Variants in GSDMA observed in about 807,000 individuals in gnomAD.
GSDMA encodes the protein gasdermin-A.
Under a neutral mutation model 54.3 loss-of-function variants are expected in GSDMA, and 55 were observed. That is an observed-to-expected ratio of 1.01 (90% confidence interval 0.82 to 1.27). The LOEUF (loss-of-function observed/expected upper bound fraction) is 1.27, where lower values mean the gene tolerates loss of function less well. Ranked by LOEUF, GSDMA falls within the 50% of genes most tolerant of loss-of-function variation. GSDMA has a pLI of 0.00. For synonymous variants in GSDMA, 211 were observed against 224.7 expected, an observed-to-expected ratio of 0.94 and a Z score of 0.54; for missense variants, 542 against 542.6, an observed-to-expected ratio of 1.00 and a Z score of 0.01.
rs1979656497 is a variant in GSDMA at position 39,966,271 on chromosome 17, A to T, written c.226A>T (p.Thr76Ser). The change falls in exon 3 of 12, where the codon ACT becomes TCT. Residue 76 changes from threonine (T) to serine (S), a missense_variant. Transcript: ENST00000301659. ...PGSSPSDPTD[T>S]GNFGFKNMLD... ...TTTCCCTCCTGCAGACCCAACAGAC[A>T]CTGGGAATTTTGGCTTTAAGAATAT... The T allele has an allele frequency of 6.2e-7, 1 of 1,613,884 alleles. No individual in the cohort carries two copies. The highest frequency in any genetic ancestry group is 8.5e-7 in the Non-Finnish European group (1 of 1,179,874).
Position 39,966,284 on chromosome 17 carries a change from G to A in GSDMA, c.239G>A (p.Gly80Asp). The part of the protein sequence containing the change: ...PSDPTDTGNF[G>D]FKNMLDTRVE... Reference sequence around the variant, plus strand: ...GACCCAACAGACACTGGGAATTTTGGCTTTAAGAATATGCTGGACACCCGA... The same window carrying A: ...GACCCAACAGACACTGGGAATTTTGACTTTAAGAATATGCTGGACACCCGA... The change falls in exon 3 of 12, where the codon GGC (glycine) becomes GAC (aspartate). Residue 80 changes from glycine (G) to aspartate (D), a missense_variant. Physicochemically the swap from Gly to Asp is moderately conservative, Grantham distance 94. Transcript: ENST00000301659. The A allele has an allele frequency of 6.2e-7, 1 of 1,613,898 alleles. No homozygotes were observed. The highest frequency in any genetic ancestry group is 8.5e-7 in the Non-Finnish European group (1 of 1,179,880).
Position 39,975,983 on chromosome 17 carries a change from G to A in GSDMA, c.1081G>A (p.Val361Met), listed in dbSNP as rs368393158. 1.3e-5 allele frequency: 20 copies of A among 1,595,606 alleles called. No individual in the cohort carries two copies. Among genetic ancestry groups the A allele is most frequent in the South Asian group, 6.8e-5 (6 of 87,700 alleles). Residue 361 changes from valine (V) to methionine (M), a missense_variant, in exon 11 of 12, where the codon GTG (valine) becomes ATG (methionine). By Grantham distance (21) the Val-to-Met change is conservative. Transcript: ENST00000301659. ...ATCCATGGAGAAAAAGATCCTACCC[G>A]TGCAGCTAAAGCTGGTGAGGGAAAA... ...VKSMEKKILPVQLKLVESTME... is the reference protein window; with the variant it reads ...VKSMEKKILPMQLKLVESTME...
chr17:39,976,178 C>T (rs1980191664), intron 11 of GSDMA, among the ~76,000 whole-genome samples, 181 bp downstream of exon 11: 1 of 152,078 alleles, frequency 6.6e-6, no homozygotes, highest in Non-Finnish European at 1.5e-5. Flanking sequence ...AGGTAGAAGA[C>T]TGAATTTCTG....
chr17:39,967,606 G>A (rs1233169078), intron 3 of GSDMA, among the ~76,000 whole-genome samples: 1 of 152,208 alleles, frequency 6.6e-6, no homozygotes, highest in Non-Finnish European at 1.5e-5. Context: ...CCAGCCAGAT[G>A]GAGGAAGTGT....
chr17:39,972,026 C>A, intron 5 of GSDMA, 103 bp from the exon 6 acceptor site: 2 of 704,718 alleles, frequency 2.8e-6, no homozygotes, highest in South Asian at 1.8e-5. Context: ...ATTTGGGGTG[C>A]AAGGTCCTAG....
chr17:39,972,111 C>A lies in GSDMA; in HGVS notation c.656-18C>A. ...GCTGCTAAGTGTCCTCCCACCCTCC[C>A]TCCCTTGCCCTTCACAGATATTCCA... On this transcript the variant is annotated intron_variant, in intron 5 of 11. Coordinates refer to ENST00000301659, the MANE Select transcript of GSDMA (RefSeq NM_178171.5). 1.0e-5 allele frequency: 13 copies of A among 1,278,804 alleles called. No homozygotes were observed. The highest frequency in any genetic ancestry group is 4.7e-5 in the East Asian group (2 of 42,852). The allele number at this position is 1,278,804 out of a possible 1,614,324, so 79.2% of individuals were successfully genotyped here. A position where few individuals can be genotyped will look rare whatever the true frequency, so the allele number is the denominator to read the frequency against.
At chr17:39,974,758 A>C (rs780788069) in intron 9 of GSDMA, 142 bp from the exon 10 acceptor site, 3 of 655,488 alleles carry the variant, frequency 4.6e-6, no homozygotes, top group East Asian at 2.7e-5. Context: ...CCAGGAGTCC[A>C]GTACTCTTCA....
chr17:39,968,674 C>A (rs1979791328), intron 3 of GSDMA, among the ~76,000 whole-genome samples: 1 of 152,040 alleles, frequency 6.6e-6, no homozygotes, highest in Non-Finnish European at 1.5e-5. Context: ...ATCCCATGAG[C>A]AACGAAAACT....
Position 39,974,367 on chromosome 17 carries a change from G to C in GSDMA, c.846G>C (p.Leu282=), listed in dbSNP as rs748358087. 1.4e-5 allele frequency: 23 copies of C among 1,601,450 alleles called. No homozygotes were observed. Among genetic ancestry groups the C allele is most frequent in the Non-Finnish European group, 2.0e-5 (23 of 1,174,068 alleles). ...EKLSRVGQSS[L]LSSLSKLLGK... The stretch of plus-strand genomic sequence containing the variant: ...TGAGCCGAGTAGGGCAAAGCTCCCT[G>C]CTCAGCTCCCTCAGCAAACTTCTAG... The change falls in exon 9 of 12, where the codon CTG becomes CTC. Residue 282 remains leucine (L), a synonymous_variant. Transcript: ENST00000301659.
rs3894194 is a variant in GSDMA at position 39,965,740 on chromosome 17, G to A, written c.53G>A (p.Arg18Gln). 718,493 of 1,609,784 alleles carry A rather than the reference G, an allele frequency of 0.45. 162,085 individuals are homozygous for A. Among genetic ancestry groups the A allele is most frequent in the East Asian group, 0.54 (24,265 of 44,650 alleles). Residue 18 changes from arginine to glutamine, a missense_variant, in exon 2 of 12, where the codon CGA (arginine) becomes CAA (glutamine). Physicochemically the swap from Arg to Gln is conservative, Grantham distance 43. Coordinates refer to ENST00000301659, the MANE Select transcript of GSDMA (RefSeq NM_178171.5). ...TRALARQLNP[R>Q]GDLTPLDSLI... is the part of the protein sequence containing the mutation. ...GCCCTGGCCAGACAGCTAAACCCTC[G>A]AGGGGACCTGACACCACTTGACAGC...
chr17:39,971,026 G>C (rs1402081227), intron 4 of GSDMA, among the ~76,000 whole-genome samples: 3 of 152,228 alleles, frequency 2.0e-5, no homozygotes, highest in Non-Finnish European at 4.4e-5. Flanking sequence ...GAGAACACAG[G>C]CTTGGAAAAG....
rs775125376 is a variant in GSDMA at position 39,976,962 on chromosome 17, G to A, written c.1242G>A (p.Ser414=). The A allele has an allele frequency of 4.8e-5, 77 of 1,613,792 alleles. No individual in the cohort carries two copies. In the East Asian group the frequency reaches 7.8e-4, roughly 16 times the overall value. ...VGLSGLEVQR[S]GPQYMWDPDT... is the part of the protein sequence containing the mutation. Reference sequence around the variant, plus strand: ...TGAGTGGCCTGGAAGTGCAGAGATCGGGCCCCCAATATATGTGGGACCCAG... The same window carrying A: ...TGAGTGGCCTGGAAGTGCAGAGATCAGGCCCCCAATATATGTGGGACCCAG... Residue 414 remains serine, a synonymous_variant, in exon 12 of 12, where the codon TCG becomes TCA. Transcript: ENST00000301659.
chr17:39,963,674 T>C (rs1979511462), intron 1 of GSDMA, among the ~76,000 whole-genome samples: 1 of 152,032 alleles, frequency 6.6e-6, no homozygotes, highest in South Asian at 2.1e-4. Context: ...GCCAACATGG[T>C]GAAACACCGT....
intron 7 of GSDMA, 61 bp from the exon 8 acceptor site, chr17:39,973,749 G>T: frequency 7.0e-7 from 1 of 1,421,730 alleles, no homozygotes; most frequent in South Asian, 1.2e-5. Context: ...CTCAACCCCT[G>T]GGTATGGCTG....
Position 39,977,007 on chromosome 17 carries a change from T to C in GSDMA, c.1287T>C (p.Cys429=). 6.2e-7 allele frequency: 1 copy of C among 1,614,006 alleles called. No individual in the cohort carries two copies. Among genetic ancestry groups the C allele is most frequent in the Non-Finnish European group, 8.5e-7 (1 of 1,179,898 alleles). ...ACCCAGACACCCTCCCTCGCCTCTG[T>C]GCTCTTTATGCAGGCCTCTCTCTCC... ...MWDPDTLPRL[C]ALYAGLSLLQ... is the part of the protein sequence containing the mutation. The change falls in exon 12 of 12, where the codon TGT becomes TGC. Residue 429 remains cysteine, a synonymous_variant. Transcript: ENST00000301659.
intron 4 of GSDMA, 33 bp downstream of exon 4, chr17:39,970,680 CACACT>C: frequency 3.5e-6 from 5 of 1,410,832 alleles, no homozygotes; most frequent in Non-Finnish European, 4.7e-6. Flanking sequence ...CACACACACA[CACACT>C]CTCACACTCA....
At chr17:39,969,248 G>A (rs1251216393) in intron 3 of GSDMA, among the ~76,000 whole-genome samples, 1 of 151,576 alleles carries the variant, frequency 6.6e-6, no homozygotes, top group Non-Finnish European at 1.5e-5. Context: ...TACTCAGGAG[G>A]TTGAGGCAAG....
Position 39,977,073 on chromosome 17 carries a change from C to T in GSDMA, c.*15C>T. 1 of 1,613,446 alleles carries T rather than the reference C, an allele frequency of 6.2e-7. No individual in the cohort carries two copies. Among genetic ancestry groups the T allele is most frequent in the Non-Finnish European group, 8.5e-7 (1 of 1,179,594 alleles). ...AGGCCTCCTAATTTGCCTTTTACGTCTGCTTCATGACTCCCTAATGCCTTC... is the reference window on the plus strand; with the variant it reads ...AGGCCTCCTAATTTGCCTTTTACGTTTGCTTCATGACTCCCTAATGCCTTC... On this transcript the variant is annotated 3_prime_UTR_variant, in exon 12 of 12. Transcript: ENST00000301659.
intron 11 of GSDMA, among the ~76,000 whole-genome samples, 183 bp from the exon 12 acceptor site, chr17:39,976,633 T>C (rs956362786): frequency 6.6e-6 from 1 of 152,142 alleles, no homozygotes; most frequent in Non-Finnish European, 1.5e-5. Flanking sequence ...CTCTGTAAAA[T>C]GGGGCTAAAA....
Sources: allele counts gnomAD v4.1 joint callset (sites outside exome capture counted in the v4.1 genomes callset), GRCh38; gene constraint gnomAD v4.1.1; transcripts MANE v1.5; gene names NCBI Gene and HGNC (gene_info 2026-07-23, HGNC 2026-07-21).